The following SMIM12 variants were observed in gnomAD, a reference collection of about 807,000 sequenced individuals.
SMIM12 encodes UPF0767 protein C1orf212.
Under a neutral mutation model 6.3 loss-of-function variants are expected in SMIM12, and 5 were observed. The ratio of observed to expected loss-of-function variants is 0.80; its 90% CI spans 0.42 to 1.68. The LOEUF is 1.68. Ranked by LOEUF, SMIM12 falls within the 40% of genes most tolerant of loss-of-function variation. The probability of loss-of-function intolerance (pLI) is 0.02; values close to 1 mark genes in which losing one functional copy is unlikely to be tolerated. For missense variants in SMIM12, 103 were observed against 121.4 expected, an observed-to-expected ratio of 0.85 and a Z score of 0.71; for synonymous variants, 51 against 48.0, an observed-to-expected ratio of 1.06 and a Z score of -0.26.
chr1:34,857,840 T>C (rs1638702014), intron 1 of SMIM12: 1 of 152,234 alleles, frequency 6.6e-6, no homozygotes, highest in African/African-American at 2.4e-5. Context: ...GGGATGAAAC[T>C]GTTCCAGCTC....
In SMIM12 at chr1:34,855,416, T is replaced by C; in HGVS notation, c.*283A>G. On this transcript the variant is annotated 3_prime_UTR_variant, in exon 2 of 2. Coordinates refer to ENST00000521580, the MANE Select transcript of SMIM12 (RefSeq NM_138428.6). ...CCTGCCCACAGAGATTGACAGCCAA[T>C]GTTCATCTCATAACTCTCCTCCCAG... 2 of 1,531,370 alleles carry C rather than the reference T, an allele frequency of 1.3e-6. No homozygotes were observed. Among genetic ancestry groups the C allele is most frequent in the South Asian group, 1.1e-5 (1 of 89,580 alleles). 94.9% of individuals were successfully genotyped at this position (1,531,370 alleles called of 1,614,324 possible).
At position 34,855,992 on chromosome 1, in the gene SMIM12, A is replaced by G; in HGVS notation, c.-5-10T>C. On this transcript the variant is annotated splice_polypyrimidine_tract_variant and intron_variant, in intron 1 of 1. Transcript: ENST00000521580. ...ACAGGCCACATGACATCTGCGGAAA[A>G]GCACAAGGCAGCATTAGAGAACCCA... 6.5e-7 allele frequency: 1 copy of G among 1,532,076 alleles called. No individual in the cohort carries two copies. The highest frequency in any genetic ancestry group is 8.8e-7 in the Non-Finnish European group (1 of 1,133,566). 94.9% of individuals were successfully genotyped at this position (1,532,076 alleles called of 1,614,324 possible). A position where few individuals can be genotyped will look rare whatever the true frequency, so the allele number is the denominator to read the frequency against.
At chr1:34,858,546 G>A (rs1250216758) in intron 1 of SMIM12, 1 of 152,194 alleles carries the variant, frequency 6.6e-6, no homozygotes, top group African/African-American at 2.4e-5. Flanking sequence ...CATAGTAATA[G>A]TTAAAAGAGG....
rs1304912917 is a variant in SMIM12, at chr1:34,851,592, G to C, written c.*4107C>G. The C allele has an allele frequency of 6.6e-6, 1 of 152,190 alleles. No homozygotes were observed. The allele number at this position is 152,190 out of a possible 1,614,324, so 9.4% of individuals were successfully genotyped here. A position where few individuals can be genotyped will look rare whatever the true frequency, so the allele number is the denominator to read the frequency against. ...GCAGTCCCACCAGCCTGGAGCCCTG[G>C]GGAGCTGACCAGAGTCAAAAGGCTC... On this transcript the variant is annotated 3_prime_UTR_variant, in exon 2 of 2. Coordinates refer to ENST00000521580, the MANE Select transcript of SMIM12 (RefSeq NM_138428.6).
intron 1 of SMIM12, 95 bp from the exon 2 acceptor site, chr1:34,856,077 G>C (rs1638644485): frequency 2.3e-6 from 3 of 1,325,854 alleles, no homozygotes; most frequent in Non-Finnish European, 2.9e-6. Flanking sequence ...CAGGCAGCCT[G>C]GCACAATTTT....
At position 34,855,926 on chromosome 1, in the gene SMIM12, A is replaced by T. The variant is rs781131184; in HGVS notation, c.52T>A (p.Phe18Ile). ...VVRTYAPYVT[F>I]PVAFVVGAVG... ...GCCCCGACCACGAAGGCAACAGGGA[A>T]TGTGACATAAGGAGCATAGGTACGA... Residue 18 changes from phenylalanine to isoleucine, a missense_variant, in exon 2 of 2, where the codon TTC becomes ATC. Coordinates refer to ENST00000521580, the MANE Select transcript of SMIM12 (RefSeq NM_138428.6). 1 of 1,551,524 alleles carries T rather than the reference A, an allele frequency of 6.4e-7. No homozygotes were observed. The highest frequency in any genetic ancestry group is 1.4e-5 in the African/African-American group (1 of 73,012).
In SMIM12 at chr1:34,852,711, T is replaced by C. The variant is rs1192594798; in HGVS notation, c.*2988A>G. The C allele has an allele frequency of 6.6e-6, 1 of 152,404 alleles. No homozygotes were observed. Among genetic ancestry groups the C allele is most frequent in the Admixed American group, 6.5e-5 (1 of 15,268 alleles). The allele number at this position is 152,404 out of a possible 1,614,324, so 9.4% of individuals were successfully genotyped here. A position where few individuals can be genotyped will look rare whatever the true frequency, so the allele number is the denominator to read the frequency against. ...CCTCTGGAGCTCTTAGAACATCTTT[T>C]AGAAAAATTCAAAAATCTGGTACCA... On this transcript the variant is annotated 3_prime_UTR_variant, in exon 2 of 2. Coordinates refer to ENST00000521580, the MANE Select transcript of SMIM12 (RefSeq NM_138428.6).
In SMIM12 at chr1:34,855,768, C is replaced by CA. The variant is rs1638631019; in HGVS notation, c.209dup (p.Ser71GlufsTer3). The CA allele has an allele frequency of 6.4e-7, 1 of 1,573,424 alleles. No homozygotes were observed. Among genetic ancestry groups the CA allele is most frequent in the African/African-American group, 1.4e-5 (1 of 73,882 alleles). On this transcript the variant is annotated frameshift_variant, in exon 2 of 2. Coordinates refer to ENST00000521580, the MANE Select transcript of SMIM12 (RefSeq NM_138428.6). LOFTEE classifies it high-confidence loss of function. ...CAAATTCTAGCTTGTCCTTAAGGCT[C>CA]ACCACCTGCGTGTGGTCCTTGCCTA...
Position 34,854,854 on chromosome 1 carries a change from C to T in SMIM12, c.*845G>A. 4.6e-6 allele frequency: 1 copy of T among 219,328 alleles called. No homozygotes were observed. The highest frequency in any genetic ancestry group is 9.1e-6 in the Non-Finnish European group (1 of 109,496). 13.6% of individuals were successfully genotyped at this position (219,328 alleles called of 1,614,324 possible). On this transcript the variant is annotated 3_prime_UTR_variant, in exon 2 of 2. Coordinates refer to ENST00000521580, the MANE Select transcript of SMIM12 (RefSeq NM_138428.6). ...CATTTAGACTTGAAGGTGCTGCAGC[C>T]AATTGTAATAATGGTAAAAAGGTTC...
rs1398356445 is a variant in SMIM12, at chr1:34,852,537, T to C, written c.*3162A>G. On this transcript the variant is annotated 3_prime_UTR_variant, in exon 2 of 2. Coordinates refer to ENST00000521580, the MANE Select transcript of SMIM12 (RefSeq NM_138428.6). ...AGGAGGCAGTTTGAGAGGTCACAAA[T>C]TGGCAGCCACTGGGTCAAATTAACC... 1.4e-5 allele frequency: 2 copies of C among 147,370 alleles called. No individual in the cohort carries two copies. Among genetic ancestry groups the C allele is most frequent in the Non-Finnish European group, 3.0e-5 (2 of 67,336 alleles). The allele number at this position is 147,370 out of a possible 1,614,324, so 9.1% of individuals were successfully genotyped here. A position where few individuals can be genotyped will look rare whatever the true frequency, so the allele number is the denominator to read the frequency against.
In SMIM12 at chr1:34,855,218, C is replaced by T. The variant is rs1317843464; in HGVS notation, c.*481G>A. The T allele has an allele frequency of 7.3e-7, 1 of 1,368,616 alleles. No individual in the cohort carries two copies. The highest frequency in any genetic ancestry group is 9.8e-7 in the Non-Finnish European group (1 of 1,022,610). 84.8% of individuals were successfully genotyped at this position (1,368,616 alleles called of 1,614,324 possible). A position where few individuals can be genotyped will look rare whatever the true frequency, so the allele number is the denominator to read the frequency against. ...TTTCCTTCCTGGGGGAATCCCATTC[C>T]TGAGCTGACAAGACAGATTTCAGTA... On this transcript the variant is annotated 3_prime_UTR_variant, in exon 2 of 2. Transcript: ENST00000521580.
chr1:34,850,599 G>A lies in SMIM12; in HGVS notation c.*5100C>T, dbSNP rs1030501363. On this transcript the variant is annotated 3_prime_UTR_variant, in exon 2 of 2. Coordinates refer to ENST00000521580, the MANE Select transcript of SMIM12 (RefSeq NM_138428.6). ...CTGGCTGCCATCCCAACTAGATAAA[G>A]GAGGTTTTACTGGGCTGTAATATCT... is the stretch of plus-strand genomic sequence containing the variant. 3 of 86,826 alleles carry A rather than the reference G, an allele frequency of 3.5e-5. No individual in the cohort carries two copies. Among genetic ancestry groups the A allele is most frequent in the African/African-American group, 9.2e-5 (3 of 32,570 alleles). 5.4% of individuals were successfully genotyped at this position (86,826 alleles called of 1,614,324 possible).
rs1414795113 is a variant in SMIM12 at position 34,851,983 on chromosome 1, C to T, written c.*3716G>A. Among the ~76,000 whole-genome samples the T allele has an allele frequency of 2.0e-5, 3 of 152,216 alleles. No individual in the cohort carries two copies. The highest frequency in any genetic ancestry group is 3.9e-4 in the East Asian group (2 of 5,192). The stretch of plus-strand genomic sequence containing the variant: ...AGCAACCCTGACCTGTCTATACCCA[C>T]GTCCACATAAACCTTGCTATCTAAT... On this transcript the variant is annotated 3_prime_UTR_variant, in exon 2 of 2. Transcript: ENST00000521580.
At chr1:34,859,159 G>A (rs1344840964) in intron 1 of SMIM12, 1 of 152,250 alleles carries the variant, frequency 6.6e-6, no homozygotes, top group East Asian at 1.9e-4. Context: ...ACACTGTGAC[G>A]CATATTTCCA....
intron 1 of SMIM12, chr1:34,857,913 C>T (rs1638703939): frequency 6.6e-6 from 1 of 152,142 alleles, no homozygotes; most frequent in African/African-American, 2.4e-5. Context: ...ATGCGCAGTT[C>T]ACAATAGAGT....
At chr1:34,857,794 T>A (rs7515410) in intron 1 of SMIM12, 1 of 151,958 alleles carries the variant, frequency 6.6e-6, no homozygotes, top group Non-Finnish European at 1.5e-5. Context: ...TGGAAGACAA[T>A]TTTTCCACAG....
rs1638485370 is a variant in SMIM12, at chr1:34,852,538, T to G, written c.*3161A>C. The G allele has an allele frequency of 6.7e-6, 1 of 149,530 alleles. No homozygotes were observed. The highest frequency in any genetic ancestry group is 6.7e-5 in the Admixed American group (1 of 14,874). 9.3% of individuals were successfully genotyped at this position (149,530 alleles called of 1,614,324 possible). ...GGAGGCAGTTTGAGAGGTCACAAAT[T>G]GGCAGCCACTGGGTCAAATTAACCC... is the stretch of plus-strand genomic sequence containing the variant. On this transcript the variant is annotated 3_prime_UTR_variant, in exon 2 of 2. Coordinates refer to ENST00000521580, the MANE Select transcript of SMIM12 (RefSeq NM_138428.6).
At chr1:34,856,730 G>T (rs890415573) in intron 1 of SMIM12, 1 of 152,132 alleles carries the variant, frequency 6.6e-6, no homozygotes, top group African/African-American at 2.4e-5. Context: ...ATGAAAAGTC[G>T]TTCCTTTTCC....
At position 34,854,470 on chromosome 1, in the gene SMIM12, G is replaced by A. The variant is rs933737770; in HGVS notation, c.*1229C>T. On this transcript the variant is annotated 3_prime_UTR_variant, in exon 2 of 2. Transcript: ENST00000521580. ...TCCTGTAGTCCCATCTACTTGAGGAGCTGAAGTGAGAGGATCACTTGAGCC... is the reference window on the plus strand; with the variant it reads ...TCCTGTAGTCCCATCTACTTGAGGAACTGAAGTGAGAGGATCACTTGAGCC... 3.9e-5 allele frequency: 6 copies of A among 152,208 alleles called. No homozygotes were observed. Among genetic ancestry groups the A allele is most frequent in the African/African-American group, 1.4e-4 (6 of 41,416 alleles). 9.4% of individuals were successfully genotyped at this position (152,208 alleles called of 1,614,324 possible). A position where few individuals can be genotyped will look rare whatever the true frequency, so the allele number is the denominator to read the frequency against.
Sources: allele counts gnomAD v4.1 joint callset (sites outside exome capture counted in the v4.1 genomes callset), GRCh38; gene constraint gnomAD v4.1.1; transcripts MANE v1.5; gene names NCBI Gene and HGNC (gene_info 2026-07-23, HGNC 2026-07-21).